Variants in ZFHX3 observed in about 807,000 individuals in gnomAD.
ZFHX3 encodes the protein zinc finger homeobox protein 3.
ZFHX3 carries 42 observed loss-of-function variants against 279.1 expected under a neutral mutation model. The ratio of observed to expected loss-of-function variants is 0.15; its 90% CI spans 0.12 to 0.19. The LOEUF is 0.19. Among genes scored for constraint, ZFHX3 ranks in the 10% least tolerant of loss-of-function variants. The probability of loss-of-function intolerance (pLI) is 1.00; values close to 1 mark genes in which losing one functional copy is unlikely to be tolerated. For missense variants in ZFHX3, 4,981 were observed against 4,754.0 expected (o/e 1.05, Z -1.40); for synonymous variants, 2,293 against 1,957.8 (o/e 1.17, Z -4.52).
chr16:73,242,786 C>A (rs923483479), intron 5 of ZFHX3, among the ~76,000 whole-genome samples: 1 of 152,166 alleles, frequency 6.6e-6, no homozygotes, highest in African/African-American at 2.4e-5. Context: ...TCTTAACGAG[C>A]GGAGTACAGG....
At chr16:73,584,197 T>C (rs1437337381) in intron 2 of ZFHX3, among the ~76,000 whole-genome samples, 3 of 151,800 alleles carry the variant, frequency 2.0e-5, no homozygotes, top group Admixed American at 6.6e-5. Context: ...ATACATCTAA[T>C]TGGAGTCCCA....
At chr16:73,541,448 T>C (rs2143750004) in intron 2 of ZFHX3, among the ~76,000 whole-genome samples, 1 of 152,008 alleles carries the variant, frequency 6.6e-6, no homozygotes, top group South Asian at 2.1e-4. Flanking sequence ...ATCACAGCAC[T>C]ACACTCCAGC....
Position 73,454,220 on chromosome 16 carries a change from T to C in ZFHX3, c.-1291+1783A>G, listed in dbSNP as rs186721209. On this transcript the variant is annotated intron_variant, in intron 3 of 17. Transcript: ENST00000641206. Reference sequence around the variant, plus strand: ...ATGGCAACAATAGATAAGAGAAACATTCTAAGAGTCTACAGTATGCACCAT... The same window carrying C: ...ATGGCAACAATAGATAAGAGAAACACTCTAAGAGTCTACAGTATGCACCAT... 8.5e-5 allele frequency among the ~76,000 whole-genome samples: 13 copies of C among 152,294 alleles called. No homozygotes were observed. The East Asian group carries it at 2.5e-3, about 29-fold the overall frequency.
chr16:73,550,816 G>T (rs944110580), intron 2 of ZFHX3, among the ~76,000 whole-genome samples: 1 of 152,196 alleles, frequency 6.6e-6, no homozygotes, highest in Non-Finnish European at 1.5e-5. Context: ...TGATCATAAG[G>T]TTTCCAGGGC....
intron 3 of ZFHX3, among the ~76,000 whole-genome samples, chr16:73,443,921 A>AT (rs1332790542): frequency 2.6e-5 from 4 of 151,930 alleles, no homozygotes; most frequent in African/African-American, 9.7e-5. Flanking sequence ...TGCCCAGCTA[A>AT]TTTTTTTATT....
chr16:72,889,783 G>A lies in ZFHX3; in HGVS notation c.3396C>T (p.Asp1132=), dbSNP rs376290084. Residue 1132 remains aspartate (D), a synonymous_variant, in exon 4 of 10, where the codon GAC becomes GAT. Transcript: ENST00000268489. Reference sequence around the variant, plus strand: ...TGGTGAAGATCTGCCCCAGGTCCTCGTCCTCCTCTGGAAGGCCCTTCTGCA... The same window carrying A: ...TGGTGAAGATCTGCCCCAGGTCCTCATCCTCCTCTGGAAGGCCCTTCTGCA... ...QRLQKGLPEE[D]EDLGQIFTIR... 25 of 1,613,284 alleles carry A rather than the reference G, an allele frequency of 1.5e-5. No individual in the cohort carries two copies. Among genetic ancestry groups the A allele is most frequent in the South Asian group, 5.5e-5 (5 of 91,042 alleles).
intron 1 of ZFHX3, among the ~76,000 whole-genome samples, chr16:73,038,923 G>A (rs995382881): frequency 9.9e-5 from 15 of 151,454 alleles, no homozygotes; most frequent in African/African-American, 3.4e-4. Context: ...TCAGCCTCCC[G>A]AGTAGCTAGG....
intron 1 of ZFHX3, among the ~76,000 whole-genome samples, chr16:72,988,919 C>A (rs1239537865): frequency 6.6e-6 from 1 of 152,158 alleles, no homozygotes; most frequent in Non-Finnish European, 1.5e-5. Context: ...ATCACACTTA[C>A]AATTCCAGCA....
At chr16:73,264,938 C>A (rs2013926332) in intron 4 of ZFHX3, among the ~76,000 whole-genome samples, 1 of 150,504 alleles carries the variant, frequency 6.6e-6, no homozygotes, top group Non-Finnish European at 1.5e-5. Context: ...AGTAGTATTC[C>A]ATTTTACATA....
intron 1 of ZFHX3, among the ~76,000 whole-genome samples, chr16:73,751,535 GTGTGTATA>G (rs2142270531): frequency 6.6e-6 from 1 of 151,848 alleles, no homozygotes; most frequent in Middle Eastern, 3.4e-3. Flanking sequence ...TTATGTGTGT[GTGTGTATA>G]TATGTTTATG....
chr16:73,624,130 C>G (rs570511966), intron 2 of ZFHX3, among the ~76,000 whole-genome samples: 9 of 152,182 alleles, frequency 5.9e-5, no homozygotes, highest in Non-Finnish European at 1.0e-4. Flanking sequence ...TCACTTTGCA[C>G]TACGCTGGAT....
chr16:73,135,561 G>A (rs1966773657), intron 6 of ZFHX3, among the ~76,000 whole-genome samples: 1 of 152,200 alleles, frequency 6.6e-6, no homozygotes, highest in Non-Finnish European at 1.5e-5. Flanking sequence ...TTCTCTGAGA[G>A]GTTGCAAACT....
intron 5 of ZFHX3, among the ~76,000 whole-genome samples, chr16:73,149,612 G>A (rs959530984): frequency 2.6e-5 from 4 of 152,080 alleles, no homozygotes; most frequent in Non-Finnish European, 2.9e-5. Context: ...CTTCTGCGGC[G>A]TTTCAGAGTG....
intron 1 of ZFHX3, among the ~76,000 whole-genome samples, chr16:73,757,051 C>T (rs1434398384): frequency 6.6e-6 from 1 of 152,048 alleles, no homozygotes; most frequent in Non-Finnish European, 1.5e-5. Flanking sequence ...AATGCAGGAA[C>T]AAACGTGGGC....
chr16:73,808,321 T>C (rs951317108), intron 1 of ZFHX3, among the ~76,000 whole-genome samples: 1 of 152,228 alleles, frequency 6.6e-6, no homozygotes, highest in Non-Finnish European at 1.5e-5. Flanking sequence ...AAAGTGATAG[T>C]AGTTGAAATT....
chr16:72,917,495 C>T (rs187425726), intron 3 of ZFHX3, among the ~76,000 whole-genome samples: 6 of 152,272 alleles, frequency 3.9e-5, no homozygotes, highest in Admixed American at 2.0e-4. Context: ...GGAAACAAGC[C>T]GACTATCAAA....
At chr16:73,173,781 G>T (rs946881579) in intron 5 of ZFHX3, among the ~76,000 whole-genome samples, 1 of 152,128 alleles carries the variant, frequency 6.6e-6, no homozygotes, top group Non-Finnish European at 1.5e-5. Context: ...GATATACCCT[G>T]CCATTCCCAT....
chr16:73,702,853 T>C (rs2053263288), intron 1 of ZFHX3, among the ~76,000 whole-genome samples: 1 of 152,106 alleles, frequency 6.6e-6, no homozygotes, highest in Non-Finnish European at 1.5e-5. Context: ...CCGAACTGTA[T>C]GAAATAAAGA....
chr16:73,669,024 CTTTTCTATTTTT>C (rs1222862268), intron 2 of ZFHX3, among the ~76,000 whole-genome samples: 2 of 149,834 alleles, frequency 1.3e-5, no homozygotes, highest in African/African-American at 4.9e-5. Flanking sequence ...CTTTCTTTTT[CTTTTCTATTTTT>C]TTTTCTATTT....
Sources: gnomAD v4.1 joint callset for allele counts (sites outside exome capture counted in the v4.1 genomes callset) on GRCh38, gnomAD v4.1.1 for gene constraint, MANE v1.5 for transcripts, NCBI Gene and HGNC (gene_info 2026-07-23, HGNC 2026-07-21) for gene names.